The following ANTXR2 variants were observed in gnomAD, a reference collection of about 807,000 sequenced individuals.
The protein encoded by ANTXR2 is ANTXR cell adhesion molecule 2.
Under a neutral mutation model 73.7 loss-of-function variants are expected in ANTXR2, and 44 were observed. That is an observed-to-expected ratio of 0.60 (90% CI 0.47 to 0.77). The LOEUF (loss-of-function observed/expected upper bound fraction) is 0.77, where lower values mean the gene tolerates loss of function less well. ANTXR2 is among the 30% of genes least tolerant of loss of function. ANTXR2 has a pLI of 0.00. For missense variants in ANTXR2, 604 were observed against 592.5 expected, an observed-to-expected ratio of 1.02 and a Z score of -0.20; for synonymous variants, 217 against 205.9, an observed-to-expected ratio of 1.05 and a Z score of -0.46.
chr4:79,933,659 T>G (rs1728142622), intron 16 of ANTXR2, among the ~76,000 whole-genome samples: 1 of 150,962 alleles, frequency 6.6e-6, no homozygotes, highest in Non-Finnish European at 1.5e-5. Context: ...CATTAACTCT[T>G]CATTTAACAT....
At chr4:79,990,369 A>G in intron 12 of ANTXR2, among the ~76,000 whole-genome samples, 1 of 146,542 alleles carries the variant, frequency 6.8e-6, no homozygotes. Context: ...TCAAGAATTC[A>G]ATAACAACAG....
chr4:79,953,473 A>G (rs996789119), intron 16 of ANTXR2, among the ~76,000 whole-genome samples: 1 of 152,148 alleles, frequency 6.6e-6, no homozygotes, highest in Non-Finnish European at 1.5e-5. Context: ...TAAATAATAA[A>G]TTATGACTGT....
chr4:80,010,624 G>A (rs1000112156), intron 11 of ANTXR2, among the ~76,000 whole-genome samples: 1 of 152,092 alleles, frequency 6.6e-6, no homozygotes, highest in African/African-American at 2.4e-5. Context: ...AAAATTTAGT[G>A]GTTAGTTTGT....
chr4:80,057,333 A>G (rs888413618), intron 3 of ANTXR2, among the ~76,000 whole-genome samples: 1 of 152,022 alleles, frequency 6.6e-6, no homozygotes, highest in African/African-American at 2.4e-5. Flanking sequence ...TATGTCAAAA[A>G]TAATTTCAAA....
chr4:79,977,104 T>G (rs1729666870), intron 16 of ANTXR2, among the ~76,000 whole-genome samples: 1 of 152,260 alleles, frequency 6.6e-6, no homozygotes, highest in Non-Finnish European at 1.5e-5. Flanking sequence ...TGTGTATGTG[T>G]GTGTGTTTAT....
At chr4:79,990,618 A>C (rs937711745) in intron 12 of ANTXR2, among the ~76,000 whole-genome samples, 4 of 152,122 alleles carry the variant, frequency 2.6e-5, no homozygotes, top group African/African-American at 9.7e-5. Context: ...TTTTCATAGA[A>C]TTAGAGAAAA....
intron 16 of ANTXR2, among the ~76,000 whole-genome samples, chr4:79,963,864 T>C (rs1460906580): frequency 6.6e-6 from 1 of 152,204 alleles, no homozygotes; most frequent in Non-Finnish European, 1.5e-5. Flanking sequence ...ATGTAGGTAG[T>C]AGAGGAGGAG....
chr4:80,013,321 T>C (rs993361914), intron 11 of ANTXR2, among the ~76,000 whole-genome samples: 1 of 152,222 alleles, frequency 6.6e-6, no homozygotes, highest in African/African-American at 2.4e-5. Context: ...TAAGGACCAG[T>C]TGTGAGAGAC....
chr4:79,914,585 T>C (rs1481290200), intron 16 of ANTXR2, among the ~76,000 whole-genome samples: 1 of 152,124 alleles, frequency 6.6e-6, no homozygotes, highest in Non-Finnish European at 1.5e-5. Flanking sequence ...ACCATATGCT[T>C]TCTGTGTTGC....
At chr4:80,020,382 T>A (rs1222285961) in intron 10 of ANTXR2, among the ~76,000 whole-genome samples, 2 of 151,066 alleles carry the variant, frequency 1.3e-5, no homozygotes, top group African/African-American at 4.9e-5. Flanking sequence ...TGAGACTCTG[T>A]CAAAAAAAAA....
chr4:80,052,857 G>A (rs62298646), intron 7 of ANTXR2, among the ~76,000 whole-genome samples: 20,002 of 151,310 alleles, frequency 0.13, 2,721 homozygotes, highest in East Asian at 0.71. Context: ...CAATGATAAC[G>A]ATGTCATCTG....
intron 3 of ANTXR2, among the ~76,000 whole-genome samples, chr4:80,067,022 G>T (rs940780297): frequency 6.6e-6 from 1 of 152,076 alleles, no homozygotes; most frequent in Non-Finnish European, 1.5e-5. Flanking sequence ...CGGCTAACAC[G>T]GTGAAACCCC....
intron 16 of ANTXR2, among the ~76,000 whole-genome samples, chr4:79,976,537 A>C (rs754996254): frequency 6.6e-6 from 1 of 152,194 alleles, no homozygotes; most frequent in Non-Finnish European, 1.5e-5. Flanking sequence ...CCTTTTCTAG[A>C]AATGTCTGCA....
At chr4:79,977,750 T>C (rs1729702746) in intron 15 of ANTXR2, 49 bp from the exon 16 acceptor site, 4 of 1,487,132 alleles carry the variant, frequency 2.7e-6, no homozygotes, top group Non-Finnish European at 3.6e-6. Context: ...ACTCAATCTC[T>C]ATGTACTGAA....
rs1726807899 is a variant in ANTXR2, at chr4:79,903,897, T to G, written c.*3532A>C. 1 of 152,172 alleles carries G rather than the reference T, an allele frequency of 6.6e-6. No homozygotes were observed. The highest frequency in any genetic ancestry group is 6.6e-5 in the Admixed American group (1 of 15,250). The allele number at this position is 152,172 out of a possible 1,614,324, so 9.4% of individuals were successfully genotyped here. On this transcript the variant is annotated 3_prime_UTR_variant, in exon 17 of 17. Transcript: ENST00000403729. ...CAAACTTTTCCAGTAGTAATGAAAC[T>G]CTCAAAAACTTTCTAAAGTAATGTG...
chr4:80,015,280 T>G (rs1026817812), intron 11 of ANTXR2, among the ~76,000 whole-genome samples: 3 of 152,212 alleles, frequency 2.0e-5, no homozygotes, highest in Non-Finnish European at 4.4e-5. Flanking sequence ...GCAGCATCAT[T>G]CTTCCAGCCC....
At chr4:80,014,291 G>A (rs534653456) in intron 11 of ANTXR2, among the ~76,000 whole-genome samples, 12 of 152,030 alleles carry the variant, frequency 7.9e-5, no homozygotes, top group South Asian at 2.1e-4. Flanking sequence ...ATTTGTGGCC[G>A]GGTGAGGTGG....
At chr4:79,946,412 A>G (rs1728514354) in intron 16 of ANTXR2, among the ~76,000 whole-genome samples, 1 of 152,168 alleles carries the variant, frequency 6.6e-6, no homozygotes, top group Admixed American at 6.6e-5. Context: ...TCACATTGGT[A>G]ACAGAGGTCT....
chr4:80,060,194 T>G (rs1734180828), intron 3 of ANTXR2, among the ~76,000 whole-genome samples: 1 of 152,154 alleles, frequency 6.6e-6, no homozygotes, highest in African/African-American at 2.4e-5. Flanking sequence ...GCTCTATATA[T>G]GCACTGTGGT....
Sources: allele counts gnomAD v4.1 joint callset (sites outside exome capture counted in the v4.1 genomes callset), GRCh38; gene constraint gnomAD v4.1.1; transcripts MANE v1.5; gene names NCBI Gene and HGNC (gene_info 2026-07-23, HGNC 2026-07-21).